The following PLXNA1 variants were observed in gnomAD, a reference collection of about 807,000 sequenced individuals.
PLXNA1 encodes plexin A1.
In PLXNA1, 77 loss-of-function variants were observed where a neutral mutation model predicts 191.7. The observed-to-expected ratio is 0.40, with a 90% CI of 0.33 to 0.49. The LOEUF (loss-of-function observed/expected upper bound fraction) is 0.49, where lower values mean the gene tolerates loss of function less well. Among genes scored for constraint, PLXNA1 ranks in the 20% least tolerant of loss-of-function variants. PLXNA1 has a pLI of 0.63. For missense variants in PLXNA1, 2,110 were observed against 2,660.2 expected, an observed-to-expected ratio of 0.79 and a Z score of 4.55; for synonymous variants, 1,137 against 1,156.4, an observed-to-expected ratio of 0.98 and a Z score of 0.34.
chr3:127,022,995 G>A (rs769363194), intron 23 of PLXNA1, among the ~76,000 whole-genome samples, 177 bp downstream of exon 23: 2 of 152,294 alleles, frequency 1.3e-5, no homozygotes, highest in Non-Finnish European at 1.5e-5. Flanking sequence ...CCTGGCTCCC[G>A]GCTCCCTCCT....
chr3:127,011,219 C>T (rs1053552981), intron 9 of PLXNA1, among the ~76,000 whole-genome samples: 2 of 152,248 alleles, frequency 1.3e-5, no homozygotes, highest in East Asian at 3.9e-4. Flanking sequence ...GTGCCACCAC[C>T]TGCCTCTCCC....
At position 127,003,430 on chromosome 3, in the gene PLXNA1, G is replaced by A. The variant is rs750934247; in HGVS notation, c.1478G>A (p.Ser493Asn). The change falls in exon 4 of 32, where the codon AGC (serine) becomes AAC (asparagine). Residue 493 changes from serine to asparagine, a missense_variant. Ser to Asn is a conservative substitution (Grantham distance 46, BLOSUM62 1). Coordinates refer to ENST00000393409, the MANE Select transcript of PLXNA1 (RefSeq NM_032242.4). The part of the protein sequence containing the change: ...GSPILRDLVL[S>N]PNHQYLYAMT... ...CCCATCCTGCGAGACCTCGTCCTCA[G>A]CCCCAACCACCAGTACCTCTACGCC... 1.2e-5 allele frequency: 20 copies of A among 1,612,152 alleles called. No individual in the cohort carries two copies. In the African/African-American group the frequency reaches 2.5e-4, roughly 20 times the overall value.
At chr3:126,991,362 C>G (rs375153741) in intron 2 of PLXNA1, 22 bp from the exon 3 acceptor site, 49 of 1,610,930 alleles carry the variant, frequency 3.0e-5, no homozygotes, top group East Asian at 8.9e-5. Context: ...GGGAGTGGCT[C>G]TCACCCTGCC....
At chr3:127,007,712 G>A (rs960887718) in intron 8 of PLXNA1, 87 bp from the exon 9 acceptor site, 2 of 782,602 alleles carry the variant, frequency 2.6e-6, no homozygotes, top group Non-Finnish European at 4.3e-6. Context: ...ATGAATACCA[G>A]CAGGGGCGGC....
At chr3:127,002,804 G>A (rs974667148) in intron 3 of PLXNA1, among the ~76,000 whole-genome samples, 2 of 152,184 alleles carry the variant, frequency 1.3e-5, no homozygotes, top group Non-Finnish European at 1.5e-5. Context: ...TTTCCATGCC[G>A]ATGAGACGCC....
At chr3:127,023,521 C>T (rs192063938) in intron 23 of PLXNA1, among the ~76,000 whole-genome samples, 37 of 152,294 alleles carry the variant, frequency 2.4e-4, no homozygotes, top group African/African-American at 1.2e-4. Flanking sequence ...TGGTCCCTGT[C>T]GCTGCTCTGT....
At position 127,004,603 on chromosome 3, in the gene PLXNA1, C is replaced by G. The variant is rs1434048788; in HGVS notation, c.1519-8C>G. 1 of 1,559,970 alleles carries G rather than the reference C, an allele frequency of 6.4e-7. No individual in the cohort carries two copies. The highest frequency in any genetic ancestry group is 8.7e-7 in the Non-Finnish European group (1 of 1,151,414). On this transcript the variant is annotated splice_region_variant and splice_polypyrimidine_tract_variant and intron_variant, in intron 4 of 31. Coordinates refer to ENST00000393409, the MANE Select transcript of PLXNA1 (RefSeq NM_032242.4). The stretch of plus-strand genomic sequence containing the variant: ...TACTGGAGGGGCCTGACACCTCCCC[C>G]ACACCAGGTGACGCGGGTGCCTGTG...
chr3:127,018,991 A>G (rs945893986), intron 20 of PLXNA1, among the ~76,000 whole-genome samples: 13 of 152,226 alleles, frequency 8.5e-5, no homozygotes, highest in African/African-American at 2.9e-4. Context: ...CCCTGGGCAC[A>G]TAGAGATCTT....
intron 9 of PLXNA1, among the ~76,000 whole-genome samples, chr3:127,009,549 G>GT (rs1467730394): frequency 6.7e-6 from 1 of 149,386 alleles, no homozygotes; most frequent in Non-Finnish European, 1.5e-5. Context: ...GCCAGTGGCA[G>GT]TCCCCCCCCA....
chr3:127,016,711 A>G, intron 16 of PLXNA1, 27 bp downstream of exon 16: 1 of 1,612,184 alleles, frequency 6.2e-7, no homozygotes, highest in Non-Finnish European at 8.5e-7. Flanking sequence ...CCCATTCCCT[A>G]TCCCCAGCTA....
intron 4 of PLXNA1, among the ~76,000 whole-genome samples, chr3:127,004,005 T>A (rs2079053471): frequency 6.6e-6 from 1 of 152,210 alleles, no homozygotes; most frequent in South Asian, 2.1e-4. Context: ...CCCAACCTGG[T>A]AACCTCGTGG....
intron 1 of PLXNA1, among the ~76,000 whole-genome samples, chr3:126,983,558 AC>A (rs1667666922): frequency 6.9e-6 from 1 of 144,984 alleles, no homozygotes; most frequent in African/African-American, 2.5e-5. Flanking sequence ...GAGAGACCGC[AC>A]CCCCGTGCGG....
At chr3:127,028,380 GA>G in intron 25 of PLXNA1, 40 bp downstream of exon 25, 1 of 1,584,598 alleles carries the variant, frequency 6.3e-7, no homozygotes, top group Admixed American at 1.7e-5. Flanking sequence ...GTGTGTGCTG[GA>G]GCAGAGGGGC....
chr3:127,009,747 C>T lies in PLXNA1; in HGVS notation c.2112+1834C>T, dbSNP rs1262704791. Among the ~76,000 whole-genome samples, 3 of 152,290 alleles carry T rather than the reference C, an allele frequency of 2.0e-5. No individual in the cohort carries two copies. In the East Asian group the frequency reaches 5.8e-4, roughly 29 times the overall value. On this transcript the variant is annotated intron_variant, in intron 9 of 31. Coordinates refer to ENST00000393409, the MANE Select transcript of PLXNA1 (RefSeq NM_032242.4). ...GCCCCTTCTTGTGCCTGCCTGCATG[C>T]TGGGGTCTGTGTGTTTTGTCTGAAG...
At position 127,029,489 on chromosome 3, in the gene PLXNA1, A is replaced by G. The variant is rs746708526; in HGVS notation, c.4823A>G (p.Tyr1608Cys). 5.6e-6 allele frequency: 9 copies of G among 1,613,826 alleles called. No individual in the cohort carries two copies. The highest frequency in any genetic ancestry group is 7.6e-6 in the Non-Finnish European group (9 of 1,179,958). The change falls in exon 27 of 32, where the codon TAC becomes TGC. Residue 1608 changes from tyrosine (Y) to cysteine (C), a missense_variant. Transcript: ENST00000393409. ...CTGGTGCCCAAGCAGACGTCCGCCTACAACATCTCCAACTCCTCCACCTTC... is the reference window on the plus strand; with the variant it reads ...CTGGTGCCCAAGCAGACGTCCGCCTGCAACATCTCCAACTCCTCCACCTTC... ...VALVPKQTSAYNISNSSTFTK... is the reference protein window; with the variant it reads ...VALVPKQTSACNISNSSTFTK...
chr3:127,007,821 T>A lies in PLXNA1; in HGVS notation c.2020T>A (p.Ser674Thr). Residue 674 changes from serine to threonine, a missense_variant, in exon 9 of 32, where the codon TCC (serine) becomes ACC (threonine). Coordinates refer to ENST00000393409, the MANE Select transcript of PLXNA1 (RefSeq NM_032242.4). The stretch of plus-strand genomic sequence containing the variant: ...CAGCTGCCTGTCCTGTGTCAACGGC[T>A]CCTTTCCCTGCCACTGGTGCAAATA... ...HQSCLSCVNG[S>T]FPCHWCKYRH... The A allele has an allele frequency of 6.2e-7, 1 of 1,612,770 alleles. No homozygotes were observed. The highest frequency in any genetic ancestry group is 1.1e-5 in the South Asian group (1 of 90,884).
At chr3:127,020,998 G>A (rs141723676) in intron 21 of PLXNA1, among the ~76,000 whole-genome samples, 131 of 152,362 alleles carry the variant, frequency 8.6e-4, no homozygotes, top group Non-Finnish European at 1.4e-3. Context: ...GGCAGGCTAG[G>A]AGCCAGTCCT....
intron 13 of PLXNA1, 21 bp downstream of exon 13, chr3:127,014,650 G>A: frequency 1.2e-5 from 20 of 1,612,296 alleles, no homozygotes; most frequent in Non-Finnish European, 1.7e-5. Flanking sequence ...CCCTGGGTGT[G>A]TGCGGGGCGG....
At chr3:127,010,811 C>G (rs1284865066) in intron 9 of PLXNA1, among the ~76,000 whole-genome samples, 1 of 152,224 alleles carries the variant, frequency 6.6e-6, no homozygotes, top group Non-Finnish European at 1.5e-5. Context: ...CGTCCCTCAC[C>G]ATAGTCACCT....
Sources: allele counts gnomAD v4.1 joint callset (sites outside exome capture counted in the v4.1 genomes callset), GRCh38; gene constraint gnomAD v4.1.1; transcripts MANE v1.5; gene names NCBI Gene and HGNC (gene_info 2026-07-23, HGNC 2026-07-21).